The following MPP7 variants were observed in gnomAD, a reference collection of about 807,000 sequenced individuals.
The protein encoded by MPP7 is MAGUK p55 subfamily member 7.
In MPP7, 60 loss-of-function variants were observed where a neutral mutation model predicts 76.5. The observed-to-expected ratio is 0.78, with a 90% CI of 0.64 to 0.97. The LOEUF is 0.97. Among genes scored for constraint, MPP7 ranks in the 50% least tolerant of loss-of-function variants. The pLI, the probability that MPP7 is intolerant of heterozygous loss-of-function variation, is 0.00. For missense variants in MPP7, 641 were observed against 694.0 expected, an observed-to-expected ratio of 0.92 and a Z score of 0.86; for synonymous variants, 237 against 244.5, an observed-to-expected ratio of 0.97 and a Z score of 0.29.
At chr10:28,169,863 A>G (rs1222588999) in intron 3 of MPP7, among the ~76,000 whole-genome samples, 1 of 152,186 alleles carries the variant, frequency 6.6e-6, no homozygotes, top group East Asian at 1.9e-4. Flanking sequence ...AGATAATCCT[A>G]TCACCTGTGA....
At chr10:28,117,015 T>G (rs996810906) in intron 11 of MPP7, among the ~76,000 whole-genome samples, 2 of 152,124 alleles carry the variant, frequency 1.3e-5, no homozygotes, top group Non-Finnish European at 2.9e-5. Context: ...ACAGTAAGAT[T>G]GGGATGTGCC....
intron 2 of MPP7, among the ~76,000 whole-genome samples, chr10:28,314,803 A>G (rs1316265427): frequency 6.6e-6 from 1 of 152,196 alleles, no homozygotes; most frequent in Non-Finnish European, 1.5e-5. Flanking sequence ...TGTTGCCAAC[A>G]TTTCAAAATC....
intron 11 of MPP7, among the ~76,000 whole-genome samples, chr10:28,115,109 TG>T (rs200114500): frequency 0.013 from 1,864 of 147,052 alleles, 51 homozygotes; most frequent in East Asian, 0.11. Context: ...TTTTTGTTTT[TG>T]TTTTTTTTTG....
At chr10:28,260,133 TATAA>T (rs1839902551) in intron 1 of MPP7, among the ~76,000 whole-genome samples, 1 of 152,214 alleles carries the variant, frequency 6.6e-6, no homozygotes, top group African/African-American at 2.4e-5. Flanking sequence ...AGCAGCTATT[TATAA>T]ATACTGTTAC....
chr10:28,166,722 T>TA (rs879545159), intron 3 of MPP7, among the ~76,000 whole-genome samples: 1 of 151,984 alleles, frequency 6.6e-6, no homozygotes, highest in Non-Finnish European at 1.5e-5. Flanking sequence ...TTTTAATTTT[T>TA]AAAAAAAATC....
At chr10:28,083,345 C>T (rs1490411223) in intron 12 of MPP7, among the ~76,000 whole-genome samples, 1 of 152,088 alleles carries the variant, frequency 6.6e-6, no homozygotes, top group Non-Finnish European at 1.5e-5. Context: ...TGTACAGTGT[C>T]GTGCTGTACA....
At chr10:28,066,035 C>G (rs767847795) in intron 13 of MPP7, among the ~76,000 whole-genome samples, 2 of 152,102 alleles carry the variant, frequency 1.3e-5, no homozygotes, top group Non-Finnish European at 2.9e-5. Flanking sequence ...ATAACCTATA[C>G]AGCCTTAAAA....
chr10:28,115,646 T>C (rs1834644506), intron 11 of MPP7, among the ~76,000 whole-genome samples: 1 of 152,252 alleles, frequency 6.6e-6, no homozygotes, highest in African/African-American at 2.4e-5. Context: ...TGTGATATAT[T>C]ATTCCTAAGT....
intron 13 of MPP7, among the ~76,000 whole-genome samples, 195 bp from the exon 14 acceptor site, chr10:28,059,938 T>C (rs546855225): frequency 6.6e-6 from 1 of 152,344 alleles, no homozygotes; most frequent in South Asian, 2.1e-4. Context: ...TTATATTGAT[T>C]TGAAGATGGG....
intron 2 of MPP7, among the ~76,000 whole-genome samples, chr10:28,227,312 A>G (rs1838726202): frequency 6.6e-6 from 1 of 152,066 alleles, no homozygotes; most frequent in Admixed American, 6.5e-5. Context: ...TTTAAATTTA[A>G]TTTTTATTTT....
chr10:28,057,050 T>C (rs969354812), intron 15 of MPP7, among the ~76,000 whole-genome samples: 1 of 152,216 alleles, frequency 6.6e-6, no homozygotes, highest in Admixed American at 6.5e-5. Context: ...CTGCTCTCCA[T>C]GATGCCTGTC....
Position 28,053,987 on chromosome 10 carries a change from A to G in MPP7, c.*78T>C. 1 of 1,122,882 alleles carries G rather than the reference A, an allele frequency of 8.9e-7. No individual in the cohort carries two copies. Among genetic ancestry groups the G allele is most frequent in the South Asian group, 1.3e-5 (1 of 74,710 alleles). The allele number at this position is 1,122,882 out of a possible 1,614,324, so 69.6% of individuals were successfully genotyped here. A position where few individuals can be genotyped will look rare whatever the true frequency, so the allele number is the denominator to read the frequency against. On this transcript the variant is annotated 3_prime_UTR_variant, in exon 17 of 17. Coordinates refer to ENST00000683449, the MANE Select transcript of MPP7 (RefSeq NM_001318170.2). ...ACATCTATGACAGTGATATAGATTT[A>G]AAAACCCTACTACCAAAACTGTAAT... is the stretch of plus-strand genomic sequence containing the variant.
chr10:28,203,593 C>T (rs1379554326), intron 2 of MPP7, among the ~76,000 whole-genome samples: 3 of 151,858 alleles, frequency 2.0e-5, no homozygotes, highest in Non-Finnish European at 4.4e-5. Context: ...TCTGCCTACA[C>T]CAGCTCTTAT....
At chr10:28,150,560 C>A (rs939439211) in intron 3 of MPP7, among the ~76,000 whole-genome samples, 11 of 152,190 alleles carry the variant, frequency 7.2e-5, no homozygotes, top group African/African-American at 2.4e-4. Context: ...CTGGGTGCCA[C>A]ATCCAGGAAC....
Position 28,120,638 on chromosome 10 carries a change from T to A in MPP7, c.646A>T (p.Ile216Phe). 6.2e-7 allele frequency: 1 copy of A among 1,613,820 alleles called. No homozygotes were observed. Among genetic ancestry groups the A allele is most frequent in the Non-Finnish European group, 8.5e-7 (1 of 1,179,860 alleles). Reference sequence around the variant, plus strand: ...GTCTCCTCTTTGCTGCCGGGTATAATCTTAAATGTAATTGCTCCCTGAGAC... The same window carrying A: ...GTCTCCTCTTTGCTGCCGGGTATAAACTTAAATGTAATTGCTCCCTGAGAC... ...AQSQGAITFK[I>F]IPGSKEETPS... Residue 216 changes from isoleucine to phenylalanine, a missense_variant, in exon 9 of 17, where the codon ATT (isoleucine) becomes TTT (phenylalanine). Coordinates refer to ENST00000683449, the MANE Select transcript of MPP7 (RefSeq NM_001318170.2).
intron 12 of MPP7, among the ~76,000 whole-genome samples, chr10:28,079,574 C>A (rs1232664425): frequency 1.3e-5 from 2 of 152,124 alleles, no homozygotes; most frequent in African/African-American, 2.4e-5. Flanking sequence ...CCTAGAAGCG[C>A]ACCCAAAACC....
At chr10:28,278,450 G>A (rs1406439288) in intron 1 of MPP7, among the ~76,000 whole-genome samples, 1 of 152,010 alleles carries the variant, frequency 6.6e-6, no homozygotes, top group Non-Finnish European at 1.5e-5. Flanking sequence ...AAGATTTTTA[G>A]GAAATGTTAG....
chr10:28,116,181 T>A (rs1834659067), intron 11 of MPP7, among the ~76,000 whole-genome samples: 1 of 152,170 alleles, frequency 6.6e-6, no homozygotes, highest in African/African-American at 2.4e-5. Flanking sequence ...ATAAATCACA[T>A]CCTACTGAAC....
At chr10:28,239,633 T>C (rs955860334) in intron 1 of MPP7, among the ~76,000 whole-genome samples, 37 of 152,356 alleles carry the variant, frequency 2.4e-4, no homozygotes, top group African/African-American at 8.9e-4. Context: ...TAAATTCTTT[T>C]AGTAAAAACT....
Sources: allele counts gnomAD v4.1 joint callset (sites outside exome capture counted in the v4.1 genomes callset), GRCh38; gene constraint gnomAD v4.1.1; transcripts MANE v1.5; gene names NCBI Gene and HGNC (gene_info 2026-07-23, HGNC 2026-07-21).